The following SHTN1 variants were observed in gnomAD, a reference collection of about 807,000 sequenced individuals.
SHTN1 encodes the protein shootin-1.
A neutral mutation model predicts 83.1 loss-of-function variants in SHTN1; 42 were observed. That is an observed-to-expected ratio of 0.51 (90% CI 0.39 to 0.65). The LOEUF is 0.65. Among genes scored for constraint, SHTN1 ranks in the 30% least tolerant of loss-of-function variants. The probability of loss-of-function intolerance (pLI) is 0.00; values close to 1 mark genes in which losing one functional copy is unlikely to be tolerated. For synonymous variants in SHTN1, 224 were observed against 247.7 expected (o/e 0.90, Z 0.90); for missense variants, 622 against 737.8 (o/e 0.84, Z 1.82).
At chr10:116,922,470 A>C (rs558460300) in intron 11 of SHTN1, among the ~76,000 whole-genome samples, 1 of 152,226 alleles carries the variant, frequency 6.6e-6, no homozygotes, top group South Asian at 2.1e-4. Flanking sequence ...TATATCCTAC[A>C]GAAAGGCAAG....
chr10:117,071,995 A>C (rs547019265), intron 1 of SHTN1, among the ~76,000 whole-genome samples: 2 of 152,344 alleles, frequency 1.3e-5, no homozygotes, highest in Admixed American at 1.3e-4. Flanking sequence ...ATTCTGTGAA[A>C]TTAATATCTA....
At chr10:117,077,747 T>C (rs1045106662) in intron 1 of SHTN1, among the ~76,000 whole-genome samples, 1 of 152,040 alleles carries the variant, frequency 6.6e-6, no homozygotes, top group East Asian at 1.9e-4. Flanking sequence ...TTTGTCCTTG[T>C]GATAGTTTGC....
At chr10:116,928,075 AAG>A (rs1848811713) in intron 10 of SHTN1, among the ~76,000 whole-genome samples, 184 bp from the exon 11 acceptor site, 1 of 152,242 alleles carries the variant, frequency 6.6e-6, no homozygotes, top group Non-Finnish European at 1.5e-5. Context: ...TTGCTAATGC[AAG>A]AGAGGACTCC....
chr10:116,989,523 C>G (rs1851343179), intron 1 of SHTN1, among the ~76,000 whole-genome samples: 1 of 152,166 alleles, frequency 6.6e-6, no homozygotes, highest in Non-Finnish European at 1.5e-5. Context: ...ATTACAAAAA[C>G]AAAAGGTCTT....
In SHTN1 at chr10:116,946,758, C is replaced by T. The variant is rs536127707; in HGVS notation, c.617-1740G>A. On this transcript the variant is annotated intron_variant, in intron 7 of 16. Coordinates refer to ENST00000355371, the MANE Select transcript of SHTN1 (RefSeq NM_001127211.3). ...AGATGGAGTCTCACTATGTCTGTCG[C>T]CCAGGCTGGAAGGCAGTGGTGCAAT... 2.7e-3 allele frequency among the ~76,000 whole-genome samples: 400 copies of T among 150,144 alleles called. 1 individual carries two copies. Among genetic ancestry groups the T allele is most frequent in the Admixed American group, 3.2e-3 (47 of 14,904 alleles).
intron 1 of SHTN1, among the ~76,000 whole-genome samples, chr10:117,108,115 A>T (rs193041343): frequency 6.6e-6 from 1 of 152,234 alleles, no homozygotes; most frequent in Non-Finnish European, 1.5e-5. Flanking sequence ...TTCCAAGGCT[A>T]ATAAGGAGCT....
chr10:116,921,583 A>G lies in SHTN1; in HGVS notation c.1113-67T>C, dbSNP rs1033321405. ...CCTAGATCCTAAATAACCAGTAAAA[A>G]TCTCACTCTTTGATAGGTGCATGAA... On this transcript the variant is annotated intron_variant, in intron 11 of 16. Coordinates refer to ENST00000355371, the MANE Select transcript of SHTN1 (RefSeq NM_001127211.3). 6 of 1,162,180 alleles carry G rather than the reference A, an allele frequency of 5.2e-6. No homozygotes were observed. In the African/African-American group the frequency reaches 9.2e-5, roughly 18 times the overall value. 72.0% of individuals were successfully genotyped at this position (1,162,180 alleles called of 1,614,324 possible). A position where few individuals can be genotyped will look rare whatever the true frequency, so the allele number is the denominator to read the frequency against.
chr10:116,904,765 TA>T (rs1847893043), intron 15 of SHTN1, among the ~76,000 whole-genome samples: 1 of 152,236 alleles, frequency 6.6e-6, no homozygotes, highest in Non-Finnish European at 1.5e-5. Flanking sequence ...CATTGAAAAC[TA>T]ACTCTGAAAT....
At chr10:117,083,152 A>G (rs1021604959) in intron 1 of SHTN1, among the ~76,000 whole-genome samples, 5 of 149,678 alleles carry the variant, frequency 3.3e-5, no homozygotes, top group African/African-American at 4.9e-5. Flanking sequence ...ACATTTTGGC[A>G]TGATTTTGCA....
intron 2 of SHTN1, among the ~76,000 whole-genome samples, chr10:117,031,498 T>G (rs1002969569): frequency 6.6e-6 from 1 of 152,208 alleles, no homozygotes; most frequent in Non-Finnish European, 1.5e-5. Context: ...CTCTTATTTC[T>G]AGTAAAACGA....
intron 1 of SHTN1, among the ~76,000 whole-genome samples, chr10:117,051,999 CATATATATAT>C (rs71013635): frequency 1.5e-4 from 5 of 34,114 alleles, no homozygotes; most frequent in Non-Finnish European, 1.4e-4. Flanking sequence ...ATGACATAAT[CATATATATAT>C]ATATATATAT....
At chr10:117,029,894 CTTTTT>C (rs34426369) in intron 2 of SHTN1, among the ~76,000 whole-genome samples, 1 of 113,406 alleles carries the variant, frequency 8.8e-6, no homozygotes, top group African/African-American at 3.3e-5. Flanking sequence ...CTCTCTCTTT[CTTTTT>C]TTTTTTTTTT....
chr10:116,901,467 AT>A (rs1372588272), intron 16 of SHTN1: 1 of 984,952 alleles, frequency 1.0e-6, no homozygotes, highest in East Asian at 1.1e-4. Flanking sequence ...TGAAAGACTG[AT>A]TGTCTCCTGA....
chr10:116,979,500 T>C lies in SHTN1; in HGVS notation c.59-192A>G, dbSNP rs531225203. Among the ~76,000 whole-genome samples, 112 of 152,342 alleles carry C rather than the reference T, an allele frequency of 7.4e-4. 2 individuals carry two copies. In the South Asian group the frequency reaches 0.022, roughly 30 times the overall value. On this transcript the variant is annotated intron_variant, in intron 1 of 16. Transcript: ENST00000355371. ...CAGGGTCTCACTCTGTTGCCCAGGC[T>C]GGTCTCAAAACTCCTGGGTTCAAAC...
chr10:117,124,252 T>C (rs1254068975), intron 1 of SHTN1, among the ~76,000 whole-genome samples: 2 of 149,932 alleles, frequency 1.3e-5, no homozygotes, highest in Non-Finnish European at 3.0e-5. Context: ...GTGTCACTGA[T>C]GGTCCTGACT....
intron 16 of SHTN1, among the ~76,000 whole-genome samples, chr10:116,887,029 T>G (rs1022475690): frequency 1.3e-5 from 2 of 151,948 alleles, no homozygotes; most frequent in African/African-American, 4.8e-5. Context: ...AGGGGAGTAA[T>G]CACCCCTCAT....
intron 4 of SHTN1, 144 bp from the exon 5 acceptor site, chr10:116,954,354 A>C: frequency 1.4e-5 from 8 of 559,972 alleles, no homozygotes; most frequent in Non-Finnish European, 1.9e-5. Flanking sequence ...GGATTCATTA[A>C]ATAAGGTTTT....
chr10:116,951,979 T>C lies in SHTN1; in HGVS notation c.464A>G (p.Gln155Arg), dbSNP rs779079783. 1 of 1,569,988 alleles carries C rather than the reference T, an allele frequency of 6.4e-7. No individual in the cohort carries two copies. Among genetic ancestry groups the C allele is most frequent in the Non-Finnish European group, 8.7e-7 (1 of 1,154,818 alleles). ...AATGGCTAAAATCTTCTTTTCCTCC[T>C]GAACAGATACAATTTGATCTCGAAG... Reference protein sequence around the residue: ...KELRDQIVSVQEEKKILAIEL... With the variant: ...KELRDQIVSVREEKKILAIEL... The change falls in exon 6 of 17, where the codon CAG (glutamine) becomes CGG (arginine). Residue 155 changes from glutamine (Q) to arginine (R), a missense_variant. Physicochemically the swap from Gln to Arg is conservative, Grantham distance 43. Around this residue, in one of 3 missense-constraint regions of SHTN1, gnomAD observed 383 missense variants for 455.8 expected, o/e 0.84. Transcript: ENST00000355371.
chr10:117,013,596 A>G (rs1251366707), intron 2 of SHTN1, among the ~76,000 whole-genome samples: 1 of 152,242 alleles, frequency 6.6e-6, no homozygotes, highest in East Asian at 1.9e-4. Flanking sequence ...GATGGCTAAA[A>G]TAAAAAAGGA....
Sources: allele counts gnomAD v4.1 joint callset (sites outside exome capture counted in the v4.1 genomes callset), GRCh38; gene constraint gnomAD v4.1.1; regional missense constraint gnomAD v4.1.1; transcripts MANE v1.5; gene names NCBI Gene and HGNC (gene_info 2026-07-23, HGNC 2026-07-21).